The following ARMC1 variants were observed in gnomAD, a reference collection of about 807,000 sequenced individuals.
ARMC1 encodes armadillo repeat-containing protein 1.
ARMC1 carries 16 observed loss-of-function variants against 31.4 expected under a neutral mutation model. The ratio of observed to expected loss-of-function variants is 0.51; its 90% CI spans 0.34 to 0.77. ARMC1 has a LOEUF of 0.77. Among genes scored for constraint, ARMC1 ranks in the 30% least tolerant of loss-of-function variants. The pLI is 0.01. For synonymous variants in ARMC1, 114 were observed against 118.9 expected (o/e 0.96, Z 0.27); for missense variants, 259 against 347.5 (o/e 0.75, Z 2.02).
intron 3 of ARMC1, among the ~76,000 whole-genome samples, chr8:65,616,377 T>C (rs1433853031): frequency 6.6e-6 from 1 of 152,374 alleles, no homozygotes; most frequent in Admixed American, 6.5e-5. Flanking sequence ...ACGAGTGATC[T>C]GCCAGCCTCG....
chr8:65,611,081 A>G (rs957975757), intron 4 of ARMC1, among the ~76,000 whole-genome samples: 3 of 151,894 alleles, frequency 2.0e-5, no homozygotes, highest in African/African-American at 7.3e-5. Flanking sequence ...TTACAGGCCT[A>G]CACTATCACA....
chr8:65,625,234 T>G (rs913269958), intron 2 of ARMC1, among the ~76,000 whole-genome samples: 3 of 152,200 alleles, frequency 2.0e-5, no homozygotes, highest in African/African-American at 7.2e-5. Flanking sequence ...CTATTCAGCC[T>G]AGTATCTACT....
chr8:65,610,196 C>T (rs1808102233), intron 4 of ARMC1, among the ~76,000 whole-genome samples: 1 of 151,994 alleles, frequency 6.6e-6, no homozygotes, highest in Non-Finnish European at 1.5e-5. Context: ...CTCCCAGGTT[C>T]AAGCGATTCT....
At chr8:65,626,859 T>C (rs1004145145) in intron 2 of ARMC1, among the ~76,000 whole-genome samples, 6 of 151,984 alleles carry the variant, frequency 3.9e-5, no homozygotes, top group Non-Finnish European at 5.9e-5. Flanking sequence ...CTACAAAATA[T>C]CAAAAATTTG....
chr8:65,628,645 GTCAGGAGTTCGAGA>G (rs1371978531), intron 1 of ARMC1, among the ~76,000 whole-genome samples: 2 of 150,252 alleles, frequency 1.3e-5, no homozygotes, highest in Non-Finnish European at 3.0e-5. Flanking sequence ...ATCTCCTGAG[GTCAGGAGTTCGAGA>G]TCAGCCTGGC....
chr8:65,607,211 CT>C lies in ARMC1; in HGVS notation c.466-1674del, dbSNP rs537776731. ...AGTGGGCTCATCTAGTGCACTGTGT[CT>C]GGACCCTGCTCTGCAGGGGCCTGCA... On this transcript the variant is annotated intron_variant, in intron 4 of 6. Transcript: ENST00000276569. Among the ~76,000 whole-genome samples, 16 of 152,382 alleles carry C rather than the reference CT, an allele frequency of 1.0e-4. No homozygotes were observed. In the South Asian group the frequency reaches 3.3e-3, roughly 32 times the overall value.
intron 3 of ARMC1, among the ~76,000 whole-genome samples, chr8:65,614,868 A>T (rs1018652094): frequency 3.3e-5 from 5 of 152,144 alleles, no homozygotes; most frequent in African/African-American, 1.2e-4. Flanking sequence ...CTTCTATATA[A>T]TGCCTCTACC....
intron 2 of ARMC1, among the ~76,000 whole-genome samples, chr8:65,624,966 C>T (rs1164077347): frequency 6.6e-6 from 1 of 152,036 alleles, no homozygotes; most frequent in South Asian, 2.1e-4. Flanking sequence ...ACTAAAAATA[C>T]AAAAATTAGC....
chr8:65,616,501 C>T (rs375002640), intron 3 of ARMC1, among the ~76,000 whole-genome samples: 17 of 152,204 alleles, frequency 1.1e-4, no homozygotes, highest in African/African-American at 3.1e-4. Flanking sequence ...ACCTCCCAGC[C>T]GCCTGCCTTG....
In ARMC1 at chr8:65,613,316, A is replaced by G; in HGVS notation, c.393T>C (p.Ala131=). The G allele has an allele frequency of 1.2e-6, 2 of 1,612,700 alleles. No homozygotes were observed. The highest frequency in any genetic ancestry group is 1.7e-6 in the Non-Finnish European group (2 of 1,179,548). Residue 131 remains alanine, a synonymous_variant, in exon 4 of 7, where the codon GCT becomes GCC. Coordinates refer to ENST00000276569, the MANE Select transcript of ARMC1 (RefSeq NM_018120.6). ...FNEMNSRRRK[A]QFFLGTTNKR... ...TGTTTGTAGTTCCCAGAAAAAATTGAGCTTTCCTTCGACGTGAATTCATCT... is the reference window on the plus strand; with the variant it reads ...TGTTTGTAGTTCCCAGAAAAAATTGGGCTTTCCTTCGACGTGAATTCATCT...
At chr8:65,623,046 A>G (rs2129043409) in intron 2 of ARMC1, among the ~76,000 whole-genome samples, 1 of 150,908 alleles carries the variant, frequency 6.6e-6, no homozygotes, top group African/African-American at 2.4e-5. Flanking sequence ...GCAGTGGCTC[A>G]CGCCTGTAAT....
In ARMC1 at chr8:65,613,268, C is replaced by G; in HGVS notation, c.441G>C (p.Leu147Phe). 1 of 1,608,464 alleles carries G rather than the reference C, an allele frequency of 6.2e-7. No individual in the cohort carries two copies. Residue 147 changes from leucine to phenylalanine, a missense_variant, in exon 4 of 7, where the codon TTG (leucine) becomes TTC (phenylalanine). Physicochemically the swap from Leu to Phe is conservative, Grantham distance 22. This residue lies in a region of ARMC1 where 163 missense variants were observed against 186.7 expected (regional missense o/e 0.87). Transcript: ENST00000276569. ...CCGTATCATCAAGGCCATCTATATG[C>G]AAAACCACTGTTTTGGCACGTTTGT... ...TTNKRAKTVVLHIDGLDDTSR... is the reference protein window; with the variant it reads ...TTNKRAKTVVFHIDGLDDTSR...
At chr8:65,606,816 T>C (rs143396230) in intron 4 of ARMC1, among the ~76,000 whole-genome samples, 1 of 152,312 alleles carries the variant, frequency 6.6e-6, no homozygotes, top group African/African-American at 2.4e-5. Flanking sequence ...CCAATATGAC[T>C]TTCTTATTTG....
At chr8:65,606,026 T>G (rs1054178258) in intron 4 of ARMC1, among the ~76,000 whole-genome samples, 1 of 152,130 alleles carries the variant, frequency 6.6e-6, no homozygotes, top group Non-Finnish European at 1.5e-5. Context: ...ACAGAGACCA[T>G]CATGGTCTAC....
chr8:65,612,199 T>C (rs754533813), intron 4 of ARMC1, among the ~76,000 whole-genome samples: 6 of 152,224 alleles, frequency 3.9e-5, no homozygotes, highest in Non-Finnish European at 7.3e-5. Flanking sequence ...CAGTGGTTCA[T>C]GCCTGTAATC....
intron 1 of ARMC1, among the ~76,000 whole-genome samples, chr8:65,632,029 G>A (rs377639612): frequency 1.3e-5 from 2 of 152,088 alleles, no homozygotes; most frequent in African/African-American, 2.4e-5. Flanking sequence ...ATAGGGTCTC[G>A]CTCTGTTGCC....
chr8:65,609,481 G>C (rs1387098297), intron 4 of ARMC1, among the ~76,000 whole-genome samples: 1 of 152,098 alleles, frequency 6.6e-6, no homozygotes, highest in Non-Finnish European at 1.5e-5. Flanking sequence ...GATAGCTGTG[G>C]ACTGATTTGG....
chr8:65,611,522 A>G (rs1362975807), intron 4 of ARMC1, among the ~76,000 whole-genome samples: 1 of 151,238 alleles, frequency 6.6e-6, no homozygotes, highest in South Asian at 2.1e-4. Flanking sequence ...CCTATCCAGG[A>G]GTGTGTAGTG....
intron 3 of ARMC1, among the ~76,000 whole-genome samples, chr8:65,618,762 G>A (rs534029008): frequency 2.0e-5 from 3 of 152,022 alleles, no homozygotes; most frequent in South Asian, 4.2e-4. Context: ...GGTAACTGTC[G>A]GGCCGGGGCG....
Sources: allele counts gnomAD v4.1 joint callset (sites outside exome capture counted in the v4.1 genomes callset), GRCh38; gene constraint gnomAD v4.1.1; regional missense constraint gnomAD v4.1.1; transcripts MANE v1.5; gene names NCBI Gene and HGNC (gene_info 2026-07-23, HGNC 2026-07-21).